Variants in LPP observed in about 807,000 individuals in gnomAD.
LPP encodes lipoma-preferred partner.
Under a neutral mutation model 60.4 loss-of-function variants are expected in LPP, and 38 were observed. That is an observed-to-expected ratio of 0.63 (90% CI 0.49 to 0.83). The LOEUF (loss-of-function observed/expected upper bound fraction) is 0.83, where lower values mean the gene tolerates loss of function less well. Ranked by LOEUF, LPP falls within the 40% of genes least tolerant of loss-of-function variation. LPP has a pLI of 0.00. For missense variants in LPP, 902 were observed against 783.6 expected (o/e 1.15, Z -1.80); for synonymous variants, 328 against 290.8 (o/e 1.13, Z -1.30).
intron 10 of LPP, among the ~76,000 whole-genome samples, 180 bp from the exon 11 acceptor site, chr3:188,872,463 A>T (rs1768361124): frequency 1.3e-5 from 2 of 152,188 alleles, no homozygotes. Context: ...CTCGCCAAAT[A>T]TCACAATATT....
chr3:188,791,900 C>G (rs1433385400), intron 9 of LPP, among the ~76,000 whole-genome samples: 1 of 152,104 alleles, frequency 6.6e-6, no homozygotes, highest in Non-Finnish European at 1.5e-5. Context: ...GTTTCTGTCC[C>G]CCTGTTGTGT....
chr3:188,751,306 G>A (rs1011241346), intron 8 of LPP, among the ~76,000 whole-genome samples: 2 of 152,144 alleles, frequency 1.3e-5, no homozygotes, highest in South Asian at 2.1e-4. Flanking sequence ...GAGAGATCAC[G>A]GAGCAGATTC....
At chr3:188,837,132 A>C (rs1259480522) in intron 9 of LPP, among the ~76,000 whole-genome samples, 1 of 152,144 alleles carries the variant, frequency 6.6e-6, no homozygotes, top group Non-Finnish European at 1.5e-5. Flanking sequence ...GCTTCCCAGC[A>C]GCACCTTGGG....
At chr3:188,452,689 C>G (rs1796871787) in intron 4 of LPP, among the ~76,000 whole-genome samples, 1 of 152,150 alleles carries the variant, frequency 6.6e-6, no homozygotes. Context: ...CTGGTGTTGA[C>G]AGGATGCTTG....
At chr3:188,512,661 G>A (rs1432757955) in intron 5 of LPP, among the ~76,000 whole-genome samples, 4 of 152,058 alleles carry the variant, frequency 2.6e-5, no homozygotes, top group Non-Finnish European at 5.9e-5. Context: ...ACATGATATG[G>A]AATATGGGAC....
chr3:188,763,510 A>G (rs560338795), intron 9 of LPP, among the ~76,000 whole-genome samples: 52 of 152,196 alleles, frequency 3.4e-4, no homozygotes, highest in African/African-American at 1.2e-3. Flanking sequence ...CCTGTGGTTT[A>G]TTGAGTTTGT....
intron 6 of LPP, among the ~76,000 whole-genome samples, chr3:188,584,665 T>G (rs1837031617): frequency 6.6e-6 from 1 of 151,706 alleles, no homozygotes; most frequent in Non-Finnish European, 1.5e-5. Flanking sequence ...TTATTCCTCA[T>G]GCTGTATATC....
chr3:188,725,039 T>G (rs781099936), intron 8 of LPP, among the ~76,000 whole-genome samples: 1 of 152,218 alleles, frequency 6.6e-6, no homozygotes, highest in Non-Finnish European at 1.5e-5. Context: ...ATTTTGCCAT[T>G]TTATTTCATT....
At chr3:188,816,294 C>T (rs1454943460) in intron 9 of LPP, among the ~76,000 whole-genome samples, 18 of 151,430 alleles carry the variant, frequency 1.2e-4, no homozygotes, top group Admixed American at 9.9e-4. Context: ...CTCCACCTCC[C>T]GGGTTCACAC....
At chr3:188,732,737 G>C (rs894246107) in intron 8 of LPP, among the ~76,000 whole-genome samples, 1 of 116,696 alleles carries the variant, frequency 8.6e-6, no homozygotes, top group African/African-American at 3.0e-5. Context: ...AAAAAAAAAA[G>C]AATATCCTAA....
chr3:188,867,253 T>A (rs1766884748), intron 10 of LPP, among the ~76,000 whole-genome samples: 1 of 148,572 alleles, frequency 6.7e-6, no homozygotes, highest in Non-Finnish European at 1.5e-5. Flanking sequence ...AACATTCATT[T>A]TATATATATG....
chr3:188,533,608 C>T (rs1822787616), intron 6 of LPP, among the ~76,000 whole-genome samples: 1 of 152,114 alleles, frequency 6.6e-6, no homozygotes, highest in South Asian at 2.1e-4. Flanking sequence ...AAAGTTGAAA[C>T]CTTGTAGAAA....
intron 1 of LPP, among the ~76,000 whole-genome samples, chr3:188,202,074 A>G (rs1731237517): frequency 1.3e-5 from 2 of 151,838 alleles, no homozygotes; most frequent in Admixed American, 1.3e-4. Flanking sequence ...GAGAAACTAG[A>G]GCTACTAGAT....
chr3:188,368,566 T>C (rs1380517099), intron 3 of LPP, among the ~76,000 whole-genome samples: 2 of 152,064 alleles, frequency 1.3e-5, no homozygotes, highest in Non-Finnish European at 2.9e-5. Context: ...CAAGGTCTCT[T>C]ACTTACCTGT....
At chr3:188,315,739 C>T (rs1192363229) in intron 2 of LPP, among the ~76,000 whole-genome samples, 1 of 152,012 alleles carries the variant, frequency 6.6e-6, no homozygotes, top group Non-Finnish European at 1.5e-5. Context: ...TTAAGAAATG[C>T]TTTTGTGTGA....
At chr3:188,867,414 A>G (rs1182172379) in intron 10 of LPP, among the ~76,000 whole-genome samples, 2 of 151,716 alleles carry the variant, frequency 1.3e-5, no homozygotes, top group African/African-American at 2.4e-5. Context: ...GTGCAATCTC[A>G]GCTCACTGCA....
intron 7 of LPP, among the ~76,000 whole-genome samples, chr3:188,639,554 GA>G (rs1849605213): frequency 6.6e-6 from 1 of 150,610 alleles, no homozygotes; most frequent in Non-Finnish European, 1.5e-5. Flanking sequence ...CACAGCAAAA[GA>G]AACTACCATC....
chr3:188,634,745 T>G (rs1848423888), intron 7 of LPP, among the ~76,000 whole-genome samples: 1 of 152,234 alleles, frequency 6.6e-6, no homozygotes, highest in South Asian at 2.1e-4. Flanking sequence ...TGGGACCATC[T>G]AGTTTTGGGA....
rs1553906195 is a variant in LPP at position 188,466,834 on chromosome 3, T to TATATATATAG, written c.194-17750_194-17749insAGATATATAT. Among the ~76,000 whole-genome samples the TATATATATAG allele has an allele frequency of 4.2e-3, 533 of 126,120 alleles. 7 individuals are homozygous for TATATATATAG. Among genetic ancestry groups the TATATATATAG allele is most frequent in the Non-Finnish European group, 6.6e-3 (399 of 60,696 alleles). The allele number at this position is 126,120 out of a possible 152,430, so 82.7% of individuals were successfully genotyped here. On this transcript the variant is annotated intron_variant, in intron 4 of 11. Coordinates refer to ENST00000617246, the MANE Select transcript of LPP (RefSeq NM_001375462.1). ...ATATATATATATATATATATATATATATATATATGCTGTGTAAACTCCACC... is the reference window on the plus strand; with the variant it reads ...ATATATATATATATATATATATATATATATATATAGATATATATGCTGTGTAAACTCCACC...
Sources: gnomAD v4.1 joint callset for allele counts (sites outside exome capture counted in the v4.1 genomes callset) on GRCh38, gnomAD v4.1.1 for gene constraint, MANE v1.5 for transcripts, NCBI Gene and HGNC (gene_info 2026-07-23, HGNC 2026-07-21) for gene names.